Variants in DESI2 observed in about 807,000 individuals in gnomAD.
DESI2 encodes the protein deubiquitinase DESI2.
In DESI2, 10 loss-of-function variants were observed where a neutral mutation model predicts 24.1. The ratio of observed to expected loss-of-function variants is 0.41; its 90% confidence interval spans 0.26 to 0.70. The LOEUF is 0.70. Ranked by LOEUF, DESI2 falls within the 30% of genes least tolerant of loss-of-function variation. The pLI, the probability that DESI2 is intolerant of heterozygous loss-of-function variation, is 0.29. For synonymous variants in DESI2, 71 were observed against 87.7 expected (o/e 0.81, Z 1.06); for missense variants, 122 against 234.9 (o/e 0.52, Z 3.14).
intron 4 of DESI2, among the ~76,000 whole-genome samples, chr1:244,700,891 A>G (rs1046202572): frequency 3.3e-5 from 5 of 152,274 alleles, no homozygotes; most frequent in Middle Eastern, 6.8e-3. Flanking sequence ...TTGTTCTTTC[A>G]TCTTTAGATT....
intron 4 of DESI2, among the ~76,000 whole-genome samples, chr1:244,702,428 C>T (rs1677503456): frequency 6.6e-6 from 1 of 152,126 alleles, no homozygotes; most frequent in African/African-American, 2.4e-5. Flanking sequence ...GCAAGAGGAT[C>T]GCCTGAACCT....
Position 244,689,304 on chromosome 1 carries a change from A to G in DESI2, c.171A>G (p.Pro57=). 1.3e-6 allele frequency: 2 copies of G among 1,588,394 alleles called. No homozygotes were observed. Among genetic ancestry groups the G allele is most frequent in the South Asian group, 1.1e-5 (1 of 90,264 alleles). Residue 57 remains proline, a synonymous_variant, in exon 3 of 5, where the codon CCA becomes CCG. Coordinates refer to ENST00000302550, the MANE Select transcript of DESI2 (RefSeq NM_016076.5). This position sits in a 1 kb window ranked among gnomAD's most constrained non-coding sequence, Gnocchi z 4.0. The stretch of plus-strand genomic sequence containing the variant: ...TTTCTGGAATATTTGAAATTTCCCC[A>G]GGAAATGCTTCTGAACTAGGAGAAA... The part of the protein sequence containing the change: ...YPFSGIFEIS[P]GNASELGETF...
intron 1 of DESI2, among the ~76,000 whole-genome samples, chr1:244,656,000 T>A (rs976721924): frequency 6.6e-6 from 1 of 152,242 alleles, no homozygotes; most frequent in Non-Finnish European, 1.5e-5. Context: ...TGGTCTGTTA[T>A]ACTAATTTTT....
intron 1 of DESI2, among the ~76,000 whole-genome samples, chr1:244,675,536 C>T (rs527502632): frequency 6.6e-6 from 1 of 152,292 alleles, no homozygotes; most frequent in East Asian, 1.9e-4. Context: ...TGAAAAGACT[C>T]TTCTTTTCCC....
intron 1 of DESI2, among the ~76,000 whole-genome samples, chr1:244,678,360 T>A (rs150726220): frequency 1.3e-5 from 2 of 152,326 alleles, no homozygotes; most frequent in African/African-American, 4.8e-5. Context: ...AGAAGTATAG[T>A]ACTCAGGCAA....
chr1:244,677,335 AGTT>A (rs1261827156), intron 1 of DESI2, among the ~76,000 whole-genome samples: 1 of 152,190 alleles, frequency 6.6e-6, no homozygotes, highest in East Asian at 1.9e-4. Flanking sequence ...GTTGGCATAC[AGTT>A]GTTCTTAGTC....
chr1:244,674,386 C>T (rs1676347847), intron 1 of DESI2, among the ~76,000 whole-genome samples: 1 of 149,818 alleles, frequency 6.7e-6, no homozygotes, highest in Non-Finnish European at 1.5e-5. Flanking sequence ...ATAAAATGTA[C>T]ACCCATTTAA....
chr1:244,654,393 T>C (rs916149831), intron 1 of DESI2, among the ~76,000 whole-genome samples: 3 of 152,236 alleles, frequency 2.0e-5, no homozygotes, highest in African/African-American at 7.2e-5. Context: ...AAGAGTCTTA[T>C]ACAGTTCTAA....
At chr1:244,675,040 AT>A (rs1676369869) in intron 1 of DESI2, among the ~76,000 whole-genome samples, 2 of 152,246 alleles carry the variant, frequency 1.3e-5, no homozygotes. Context: ...CTTTTTGATT[AT>A]AGTCATCTGA....
intron 3 of DESI2, among the ~76,000 whole-genome samples, chr1:244,691,590 T>C (rs1677032532): frequency 6.6e-6 from 1 of 152,248 alleles, no homozygotes; most frequent in African/African-American, 2.4e-5. Flanking sequence ...TGAAAATAAC[T>C]GTAATATTAC....
In DESI2 at chr1:244,680,831, C is replaced by T. The variant is rs190144729; in HGVS notation, c.43-5766C>T. Among the ~76,000 whole-genome samples the T allele has an allele frequency of 5.7e-4, 86 of 152,160 alleles. 1 individual carries two copies. The East Asian group carries it at 6.2e-3, about 11-fold the overall frequency. On this transcript the variant is annotated intron_variant, in intron 1 of 4. Coordinates refer to ENST00000302550, the MANE Select transcript of DESI2 (RefSeq NM_016076.5). ...CCTTTCTTCTAATGGTTTTATCATC[C>T]ATGATCTTTGCCTGACTCAACTGGT...
chr1:244,704,251 A>T (rs1677602453), intron 4 of DESI2, among the ~76,000 whole-genome samples: 1 of 152,224 alleles, frequency 6.6e-6, no homozygotes, highest in South Asian at 2.1e-4. Flanking sequence ...ATTACCTAAG[A>T]TATGCAAATA....
intron 1 of DESI2, among the ~76,000 whole-genome samples, chr1:244,658,959 G>A (rs558044496): frequency 3.3e-5 from 5 of 151,770 alleles, no homozygotes; most frequent in African/African-American, 1.2e-4. Context: ...TAATCTTTCC[G>A]AAAACATTGT....
chr1:244,653,142 G>C lies in DESI2; in HGVS notation c.-172G>C. 1.8e-6 allele frequency: 1 copy of C among 545,126 alleles called. No homozygotes were observed. The highest frequency in any genetic ancestry group is 2.8e-6 in the Non-Finnish European group (1 of 353,772). 33.8% of individuals were successfully genotyped at this position (545,126 alleles called of 1,614,324 possible). On this transcript the variant is annotated 5_prime_UTR_variant, in exon 1 of 5. Transcript: ENST00000302550. The stretch of plus-strand genomic sequence containing the variant: ...CGTCCGCACAGACGCTCCTGTCGGC[G>C]GCGCCCGGGAGCGGCTCGGCTGCCC...
rs1025730579 is a variant in DESI2 at position 244,707,631 on chromosome 1, C to T, written c.*1842C>T. Reference sequence around the variant, plus strand: ...AGTACAAAGCCTTGGATACAGTTTGCTTGTAATATTTTTAATAATGTGAGG... The same window carrying T: ...AGTACAAAGCCTTGGATACAGTTTGTTTGTAATATTTTTAATAATGTGAGG... On this transcript the variant is annotated 3_prime_UTR_variant, in exon 5 of 5. Coordinates refer to ENST00000302550, the MANE Select transcript of DESI2 (RefSeq NM_016076.5). 6.6e-6 allele frequency: 1 copy of T among 152,188 alleles called. No homozygotes were observed. The highest frequency in any genetic ancestry group is 1.5e-5 in the Non-Finnish European group (1 of 68,024). 9.4% of individuals were successfully genotyped at this position (152,188 alleles called of 1,614,324 possible). A position where few individuals can be genotyped will look rare whatever the true frequency, so the allele number is the denominator to read the frequency against.
intron 4 of DESI2, among the ~76,000 whole-genome samples, chr1:244,701,585 C>A (rs1273079900): frequency 6.6e-6 from 1 of 152,172 alleles, no homozygotes; most frequent in African/African-American, 2.4e-5. Context: ...TATTCCCAGG[C>A]CTTGAAACCT....
At chr1:244,683,563 A>T (rs190108402) in intron 1 of DESI2, among the ~76,000 whole-genome samples, 1 of 152,104 alleles carries the variant, frequency 6.6e-6, no homozygotes, top group Non-Finnish European at 1.5e-5. Flanking sequence ...CGCCCACCTC[A>T]GCCTCCCAAA....
intron 4 of DESI2, among the ~76,000 whole-genome samples, chr1:244,704,665 T>TTGTG (rs10686967): frequency 9.9e-5 from 15 of 151,614 alleles, no homozygotes; most frequent in East Asian, 7.8e-4. Flanking sequence ...GGAAAACACT[T>TTGTG]TGTGTGTGTG....
chr1:244,684,582 TTC>T (rs752786165), intron 1 of DESI2, among the ~76,000 whole-genome samples: 6 of 152,350 alleles, frequency 3.9e-5, no homozygotes, highest in Admixed American at 6.5e-5. Context: ...AGTTACCTCA[TTC>T]TTTTTTCTTT....
Sources: gnomAD v4.1 joint callset for allele counts (sites outside exome capture counted in the v4.1 genomes callset) on GRCh38, gnomAD v4.1.1 for gene constraint, Gnocchi (gnomAD v3.1) non-coding constraint, MANE v1.5 for transcripts, NCBI Gene and HGNC (gene_info 2026-07-23, HGNC 2026-07-21) for gene names.